Variants in JAG2 observed in about 807,000 individuals in gnomAD.
JAG2 encodes the protein protein jagged-2.
Under a neutral mutation model 141.7 loss-of-function variants are expected in JAG2, and 46 were observed. That is an observed-to-expected ratio of 0.32 (90% confidence interval 0.26 to 0.42). The LOEUF (loss-of-function observed/expected upper bound fraction) is 0.42. Among genes scored for constraint, JAG2 ranks in the 10% least tolerant of loss-of-function variants. The pLI is 1.00. For synonymous variants in JAG2, 862 were observed against 763.5 expected (o/e 1.13, Z -2.13); for missense variants, 1,500 against 1,817.5 (o/e 0.83, Z 3.18).
At chr14:105,162,709 T>C (rs74089858) in intron 2 of JAG2, among the ~76,000 whole-genome samples, 20,649 of 68,554 alleles carry the variant, frequency 0.3, 2,054 homozygotes, top group African/African-American at 0.39. Context: ...CAGAGTACCC[T>C]CCTGCCCAGG....
Position 105,143,472 on chromosome 14 carries a change from C to G in JAG2, c.3241+10G>C. Reference sequence around the variant, plus strand: ...TGGTGCCTTCCCAGGGGCCCACCTCCCGCGCTTACCTGTGGAAGAGCCGCC... The same window carrying G: ...TGGTGCCTTCCCAGGGGCCCACCTCGCGCGCTTACCTGTGGAAGAGCCGCC... On this transcript the variant is annotated intron_variant, in intron 25 of 25. Transcript: ENST00000331782. 1 of 1,545,952 alleles carries G rather than the reference C, an allele frequency of 6.5e-7. No homozygotes were observed. The highest frequency in any genetic ancestry group is 8.7e-7 in the Non-Finnish European group (1 of 1,147,802).
At chr14:105,155,223 C>T (rs1278392199) in intron 5 of JAG2, among the ~76,000 whole-genome samples, 1 of 151,984 alleles carries the variant, frequency 6.6e-6, no homozygotes, top group East Asian at 1.9e-4. Flanking sequence ...TCGCCGCCCA[C>T]CCCCTCCCCA....
At chr14:105,146,064 C>T (rs1888214157) in intron 22 of JAG2, 91 bp from the exon 23 acceptor site, 5 of 1,532,482 alleles carry the variant, frequency 3.3e-6, no homozygotes, top group Non-Finnish European at 4.4e-6. Flanking sequence ...AGGCACGGGC[C>T]CCATGCCAAG....
At chr14:105,159,229 G>A (rs587678661) in intron 2 of JAG2, among the ~76,000 whole-genome samples, 10 of 147,620 alleles carry the variant, frequency 6.8e-5, no homozygotes, top group East Asian at 2.2e-4. Context: ...GGGCAACCCC[G>A]GCCCCGCCCC....
In JAG2 at chr14:105,142,465, C is replaced by T; in HGVS notation, c.*230G>A. 1.1e-5 allele frequency: 6 copies of T among 554,096 alleles called. No homozygotes were observed. Among genetic ancestry groups the T allele is most frequent in the Non-Finnish European group, 1.9e-5 (6 of 312,358 alleles). 34.3% of individuals were successfully genotyped at this position (554,096 alleles called of 1,614,324 possible). On this transcript the variant is annotated 3_prime_UTR_variant, in exon 26 of 26. Coordinates refer to ENST00000331782, the MANE Select transcript of JAG2 (RefSeq NM_002226.5). ...ATACAGCGAGTGCCACGCACGGAAA[C>T]TTTACAAAAATAGCAACTATCCGAG... is the stretch of plus-strand genomic sequence containing the variant.
In JAG2 at chr14:105,142,677, C is replaced by G. The variant is rs1186240118; in HGVS notation, c.*18G>C. ...TCCCACCGAGGGCCCTGGGTCCCGG[C>G]CCAGCTGGCAGCCGCCCCTACTCCT... On this transcript the variant is annotated 3_prime_UTR_variant, in exon 26 of 26. Coordinates refer to ENST00000331782, the MANE Select transcript of JAG2 (RefSeq NM_002226.5). 2 of 1,578,086 alleles carry G rather than the reference C, an allele frequency of 1.3e-6. No individual in the cohort carries two copies. Among genetic ancestry groups the G allele is most frequent in the East Asian group, 4.6e-5 (2 of 43,202 alleles).
chr14:105,143,274 G>A (rs1888119438), intron 25 of JAG2, 104 bp from the exon 26 acceptor site: 7 of 1,404,156 alleles, frequency 5.0e-6, no homozygotes, highest in South Asian at 3.7e-5. Context: ...AGGCGGCCGG[G>A]CCCCACCCTC....
Position 105,153,446 on chromosome 14 carries a change from C to T in JAG2, c.789-1155G>A, listed in dbSNP as rs28774386. Reference sequence around the variant, plus strand: ...ACACCTTGGGTCATCGGCCAGAGAGCGGCCACAGCCGGGCTCAGAGCCCAG... The same window carrying T: ...ACACCTTGGGTCATCGGCCAGAGAGTGGCCACAGCCGGGCTCAGAGCCCAG... On this transcript the variant is annotated intron_variant, in intron 5 of 25. Transcript: ENST00000331782. Among the ~76,000 whole-genome samples, 665 of 152,342 alleles carry T rather than the reference C, an allele frequency of 4.4e-3. 6 individuals are homozygous for T. Among genetic ancestry groups the T allele is most frequent in the African/African-American group, 0.015 (635 of 41,578 alleles).
At chr14:105,164,395 A>G (rs1182870914) in intron 2 of JAG2, among the ~76,000 whole-genome samples, 1 of 152,176 alleles carries the variant, frequency 6.6e-6, no homozygotes, top group African/African-American at 2.4e-5. Flanking sequence ...CAACACAGGA[A>G]CCCAGATGCC....
chr14:105,163,607 C>CTCCG (rs1301928352), intron 2 of JAG2, among the ~76,000 whole-genome samples: 2 of 145,702 alleles, frequency 1.4e-5, no homozygotes, highest in African/African-American at 5.4e-5. Flanking sequence ...GGGACAGGGC[C>CTCCG]TCCGCTCAGG....
chr14:105,152,167 C>T lies in JAG2; in HGVS notation c.913G>A (p.Asp305Asn). ...CETNWGGLLC[D>N]KDLNYCGSHH... ...TGCCGCCCCCTACCACTACCTTTGT[C>T]ACAGAGCAGGCCGCCCCAGTTGGTC... Residue 305 changes from aspartate (D) to asparagine (N), a missense_variant, in exon 6 of 26, where the codon GAC (aspartate) becomes AAC (asparagine). Around this residue, in one of 3 missense-constraint regions of JAG2, gnomAD observed 875 missense variants for 1,202.2 expected, o/e 0.73. Transcript: ENST00000331782. 6.2e-7 allele frequency: 1 copy of T among 1,613,782 alleles called. No homozygotes were observed. The highest frequency in any genetic ancestry group is 8.5e-7 in the Non-Finnish European group (1 of 1,180,014).
Position 105,154,388 on chromosome 14 carries a change from G to A in JAG2, c.788+1174C>T, listed in dbSNP as rs1407880579. ...CTCTCGGGCTCCCCAGCTTGCTCACGCACAGTGAGCGCCACGGCTCGAAGC... is the reference window on the plus strand; with the variant it reads ...CTCTCGGGCTCCCCAGCTTGCTCACACACAGTGAGCGCCACGGCTCGAAGC... On this transcript the variant is annotated intron_variant, in intron 5 of 25. Coordinates refer to ENST00000331782, the MANE Select transcript of JAG2 (RefSeq NM_002226.5). The surrounding 1 kb of genome is among the most constrained non-coding windows in gnomAD (Gnocchi z 4.4). 6.6e-6 allele frequency among the ~76,000 whole-genome samples: 1 copy of A among 152,050 alleles called. No homozygotes were observed. The highest frequency in any genetic ancestry group is 1.5e-5 in the Non-Finnish European group (1 of 67,988).
intron 3 of JAG2, 43 bp from the exon 4 acceptor site, chr14:105,156,032 C>A: frequency 1.3e-6 from 2 of 1,592,900 alleles, no homozygotes; most frequent in East Asian, 4.5e-5. Flanking sequence ...AGAAACCAGC[C>A]CGGCCAGGGG....
rs767581278 is a variant in JAG2, at chr14:105,143,570, G to A, written c.3153C>T (p.Ala1051=). The A allele has an allele frequency of 3.2e-5, 51 of 1,603,206 alleles. No homozygotes were observed. The African/African-American group carries it at 3.3e-4, about 10-fold the overall frequency. The change falls in exon 25 of 26, where the codon GCC becomes GCT. Residue 1051 remains alanine (A), a synonymous_variant. Transcript: ENST00000331782. The part of the protein sequence containing the change: ...LIQGAAHAIV[A]AITQRGNSSL... ...AGCTGTTCCCCCGCTGGGTGATGGCGGCCACGATGGCGTGGGCCGCGCCCT... is the reference window on the plus strand; with the variant it reads ...AGCTGTTCCCCCGCTGGGTGATGGCAGCCACGATGGCGTGGGCCGCGCCCT...
chr14:105,165,782 G>A (rs982974136), intron 2 of JAG2, among the ~76,000 whole-genome samples: 4 of 152,190 alleles, frequency 2.6e-5, no homozygotes, highest in Admixed American at 6.5e-5. Flanking sequence ...AAAGCCCCAC[G>A]GGCCTGGGCA....
chr14:105,142,492 A>T lies in JAG2; in HGVS notation c.*203T>A, dbSNP rs1888086449. 5 of 581,518 alleles carry T rather than the reference A, an allele frequency of 8.6e-6. No homozygotes were observed. The South Asian group carries it at 1.1e-4, about 12-fold the overall frequency. The allele number at this position is 581,518 out of a possible 1,614,324, so 36.0% of individuals were successfully genotyped here. A position where few individuals can be genotyped will look rare whatever the true frequency, so the allele number is the denominator to read the frequency against. On this transcript the variant is annotated 3_prime_UTR_variant, in exon 26 of 26. Coordinates refer to ENST00000331782, the MANE Select transcript of JAG2 (RefSeq NM_002226.5). Reference sequence around the variant, plus strand: ...TTACAAAAATAGCAACTATCCGAGAATACTCCATTGTTTTCAGCCTGACAG... The same window carrying T: ...TTACAAAAATAGCAACTATCCGAGATTACTCCATTGTTTTCAGCCTGACAG...
In JAG2 at chr14:105,167,828, G is replaced by C. The variant is rs896915608; in HGVS notation, c.346C>G (p.Arg116Gly). Residue 116 changes from arginine to glycine, a missense_variant, in exon 2 of 26, where the codon CGG (arginine) becomes GGG (glycine). Around this residue, in one of 3 missense-constraint regions of JAG2, gnomAD observed 200 missense variants for 174.3 expected, o/e 1.15. Transcript: ENST00000331782. This position sits in a 1 kb window ranked among gnomAD's most constrained non-coding sequence, Gnocchi z 4.8. Reference protein sequence around the residue: ...PPAGAAGDRARARARAGGDQD... With the variant: ...PPAGAAGDRAGARARAGGDQD... ...TCGCCGCCGGCCCGGGCCCGCGCCCGCGCTCGGTCCCCCGCAGCGCCCGCC... is the reference window on the plus strand; with the variant it reads ...TCGCCGCCGGCCCGGGCCCGCGCCCCCGCTCGGTCCCCCGCAGCGCCCGCC... 3.4e-6 allele frequency: 5 copies of C among 1,474,426 alleles called. No homozygotes were observed. The highest frequency in any genetic ancestry group is 4.5e-6 in the Non-Finnish European group (5 of 1,117,800). The allele number at this position is 1,474,426 out of a possible 1,614,324, so 91.3% of individuals were successfully genotyped here.
At chr14:105,153,760 G>A (rs1303997804) in intron 5 of JAG2, among the ~76,000 whole-genome samples, 2 of 152,184 alleles carry the variant, frequency 1.3e-5, no homozygotes, top group Non-Finnish European at 2.9e-5. Context: ...CTTCCTGCGG[G>A]TAAAGGGCAG....
intron 15 of JAG2, 147 bp from the exon 16 acceptor site, chr14:105,148,586 G>A: frequency 1.1e-6 from 1 of 884,602 alleles, no homozygotes; most frequent in Non-Finnish European, 1.7e-6. Context: ...CCTCGGGCAT[G>A]GGGGCAGCCT....
Sources: gnomAD v4.1 joint callset for allele counts (sites outside exome capture counted in the v4.1 genomes callset) on GRCh38, gnomAD v4.1.1 for gene constraint, gnomAD v4.1.1 regional missense constraint, Gnocchi (gnomAD v3.1) non-coding constraint, MANE v1.5 for transcripts, NCBI Gene and HGNC (gene_info 2026-07-23, HGNC 2026-07-21) for gene names.